NLGN4X: variants seen among roughly 807,000 people sequenced by gnomAD.
NLGN4X encodes neuroligin-4, X-linked.
In NLGN4X, 3 loss-of-function variants were observed where a neutral mutation model predicts 40.3. The observed-to-expected ratio is 0.07, with a 90% CI of 0.03 to 0.19. NLGN4X has a LOEUF of 0.19. Among genes scored for constraint, NLGN4X ranks in the 10% least tolerant of loss-of-function variants. The pLI is 1.00. For missense variants in NLGN4X, 382 were observed against 708.3 expected (o/e 0.54, Z 5.23); for synonymous variants, 270 against 306.8 (o/e 0.88, Z 1.25).
intron 3 of NLGN4X, among the ~76,000 whole-genome samples, chrX:5,966,911 C>G (rs1378303848): frequency 4.5e-5 from 5 of 112,160 alleles, no homozygotes; most frequent in Non-Finnish European, 9.4e-5. Flanking sequence ...AGCTTTGTAA[C>G]CAAACCTACA....
intron 2 of NLGN4X, among the ~76,000 whole-genome samples, chrX:6,042,685 T>TTATATATATATATATA (rs749649054): frequency 7.0e-5 from 2 of 28,412 alleles, no homozygotes; most frequent in Admixed American, 6.8e-4. Context: ...CATAGAGGTT[T>TTATATATATATATATA]TATATATATA....
In NLGN4X at chrX:6,170,185, G is replaced by A. The variant is rs1036778053; in HGVS notation, c.-305-18414C>T. ...TTGCCCAGGCTGGTCTGGAACTCTTGGGCTCAAGCAATCCTCCCACCTCAG... is the reference window on the plus strand; with the variant it reads ...TTGCCCAGGCTGGTCTGGAACTCTTAGGCTCAAGCAATCCTCCCACCTCAG... On this transcript the variant is annotated intron_variant, in intron 1 of 5. Transcript: ENST00000381095. 2.7e-5 allele frequency among the ~76,000 whole-genome samples: 3 copies of A among 110,566 alleles called. No homozygotes were observed. The Admixed American group carries it at 2.9e-4, about 11-fold the overall frequency.
At chrX:5,961,550 A>G (rs2034664301) in intron 3 of NLGN4X, among the ~76,000 whole-genome samples, 1 of 112,126 alleles carries the variant, frequency 8.9e-6, no homozygotes, top group Non-Finnish European at 1.9e-5. Flanking sequence ...TATCCCTTTA[A>G]GATCTAAAAA....
At chrX:6,051,584 G>A (rs1205544567) in intron 2 of NLGN4X, among the ~76,000 whole-genome samples, 5 of 110,386 alleles carry the variant, frequency 4.5e-5, no homozygotes, top group Non-Finnish European at 9.5e-5. Flanking sequence ...AAGTAGGAGA[G>A]AGACAAGGAA....
intron 2 of NLGN4X, among the ~76,000 whole-genome samples, chrX:6,055,971 G>T (rs2147310102): frequency 8.9e-6 from 1 of 111,862 alleles, no homozygotes; most frequent in Admixed American, 9.5e-5. Context: ...TTTAAAAACA[G>T]AAAAGGAAAA....
chrX:6,194,182 C>G (rs1183729332), intron 1 of NLGN4X, among the ~76,000 whole-genome samples: 1 of 110,970 alleles, frequency 9.0e-6, no homozygotes, highest in African/African-American at 3.3e-5. Flanking sequence ...GACCCTGTCT[C>G]CAAAAGATAT....
intron 3 of NLGN4X, among the ~76,000 whole-genome samples, chrX:6,003,762 T>A (rs67281336): frequency 9.0e-6 from 1 of 111,682 alleles, no homozygotes; most frequent in Non-Finnish European, 1.9e-5. Flanking sequence ...GGCTGTCACA[T>A]TGACCCTCCA....
chrX:5,960,716 G>A lies in NLGN4X; in HGVS notation c.626-51477C>T, dbSNP rs773312690. ...GAAAGAAAACTCTAAGTAAAATAGC[G>A]GCACATGAGAGGAAGAAGTTTTAGG... On this transcript the variant is annotated intron_variant, in intron 3 of 5. Transcript: ENST00000381095. Among the ~76,000 whole-genome samples, 7 of 111,159 alleles carry A rather than the reference G, an allele frequency of 6.3e-5. No individual in the cohort carries two copies. The East Asian group carries it at 2.0e-3, about 32-fold the overall frequency.
chrX:6,207,446 G>T (rs1269852764), intron 1 of NLGN4X, among the ~76,000 whole-genome samples: 4 of 111,971 alleles, frequency 3.6e-5, no homozygotes, highest in Non-Finnish European at 1.9e-5. Context: ...TACTTAGTTG[G>T]AATATTTTAA....
Position 6,118,138 on chromosome X carries a change from C to G in NLGN4X, c.472+32857G>C, listed in dbSNP as rs749903786. Among the ~76,000 whole-genome samples the G allele has an allele frequency of 2.7e-5, 3 of 109,681 alleles. No individual in the cohort carries two copies. The South Asian group carries it at 1.2e-3, about 45-fold the overall frequency. ...TCTTTCCTCTTCCTCACTGTCTTCT[C>G]TCTCTCCTCCTCTTCATCCTTCTTT... On this transcript the variant is annotated intron_variant, in intron 2 of 5. Coordinates refer to ENST00000381095, the MANE Select transcript of NLGN4X (RefSeq NM_181332.3).
intron 3 of NLGN4X, among the ~76,000 whole-genome samples, chrX:5,969,057 A>G (rs2034930058): frequency 9.0e-6 from 1 of 111,408 alleles, no homozygotes; most frequent in Non-Finnish European, 1.9e-5. Context: ...TTAGACCTAA[A>G]ACCATAAAAA....
At chrX:6,092,005 C>G (rs188652844) in intron 2 of NLGN4X, among the ~76,000 whole-genome samples, 277 of 107,143 alleles carry the variant, frequency 2.6e-3, no homozygotes, top group African/African-American at 9.0e-3. Flanking sequence ...TTCTTCCCCC[C>G]TTCCTCCCTC....
At chrX:6,023,914 G>A (rs1351027694) in intron 3 of NLGN4X, among the ~76,000 whole-genome samples, 2 of 111,347 alleles carry the variant, frequency 1.8e-5, no homozygotes, top group Admixed American at 1.9e-4. Flanking sequence ...GAATAAATAA[G>A]TTCCAGGTAT....
intron 2 of NLGN4X, among the ~76,000 whole-genome samples, chrX:6,095,743 C>T (rs936213821): frequency 1.3e-4 from 14 of 111,566 alleles, no homozygotes; most frequent in Non-Finnish European, 2.4e-4. Context: ...TAAGGATGGG[C>T]GTTAGGTGTT....
intron 2 of NLGN4X, among the ~76,000 whole-genome samples, chrX:6,139,560 C>A: frequency 8.9e-6 from 1 of 112,043 alleles, no homozygotes; most frequent in Non-Finnish European, 1.9e-5. Flanking sequence ...CCTCACTGCA[C>A]AAACATGTGT....
chrX:5,894,105 G>A (rs1043821618), intron 5 of NLGN4X, among the ~76,000 whole-genome samples: 10 of 111,721 alleles, frequency 9.0e-5, no homozygotes, highest in Non-Finnish European at 1.9e-4. Context: ...TTTGGTTTCC[G>A]TAGACGAAGG....
At chrX:6,135,302 G>A (rs1168245620) in intron 2 of NLGN4X, among the ~76,000 whole-genome samples, 8 of 111,690 alleles carry the variant, frequency 7.2e-5, no homozygotes. Context: ...AGCTACAGCT[G>A]TTTACAAACC....
chrX:6,173,973 T>G (rs1431057023), intron 1 of NLGN4X, among the ~76,000 whole-genome samples: 2 of 111,037 alleles, frequency 1.8e-5, no homozygotes, highest in African/African-American at 6.6e-5. Context: ...AGGCAGGATT[T>G]TTTGAACCCA....
chrX:5,949,598 T>C (rs1330738902), intron 3 of NLGN4X, among the ~76,000 whole-genome samples: 2 of 111,786 alleles, frequency 1.8e-5, no homozygotes, highest in Non-Finnish European at 3.8e-5. Flanking sequence ...ATTTCAACCA[T>C]GTTACTGTTG....
Sources: allele counts gnomAD v4.1 joint callset (sites outside exome capture counted in the v4.1 genomes callset), GRCh38; gene constraint gnomAD v4.1.1; transcripts MANE v1.5; gene names NCBI Gene and HGNC (gene_info 2026-07-23, HGNC 2026-07-21).